GABRR3: variants seen among roughly 807,000 people sequenced by gnomAD.
GABRR3 encodes the protein gamma-aminobutyric acid type A receptor subunit rho3, also known as gamma-aminobutyric acid receptor subunit rho-3.
A neutral mutation model predicts 43.2 loss-of-function variants in GABRR3; 29 were observed. The ratio of observed to expected loss-of-function variants is 0.67; its 90% CI spans 0.50 to 0.92. GABRR3 has a LOEUF of 0.92. GABRR3 is among the 40% of genes least tolerant of loss of function. The pLI is 0.00. For synonymous variants in GABRR3, 206 were observed against 195.9 expected (o/e 1.05, Z -0.43); for missense variants, 576 against 572.3 (o/e 1.01, Z -0.07).
intron 8 of GABRR3, chr3:98,000,137 A>T (rs1175019434): frequency 6.6e-6 from 1 of 152,146 alleles, no homozygotes; most frequent in Non-Finnish European, 1.5e-5. Flanking sequence ...GACACTTCTG[A>T]TTTGCATGCA....
intron 3 of GABRR3, among the ~76,000 whole-genome samples, chr3:98,024,628 T>C (rs1434742927): frequency 6.6e-6 from 1 of 152,186 alleles, no homozygotes; most frequent in African/African-American, 2.4e-5. Flanking sequence ...GCTGTATCTG[T>C]TATACTGCCA....
intron 4 of GABRR3, among the ~76,000 whole-genome samples, chr3:98,015,753 A>C (rs1242923592): frequency 6.6e-6 from 1 of 152,168 alleles, no homozygotes; most frequent in East Asian, 1.9e-4. Flanking sequence ...TTTAAATATA[A>C]AGACACATAG....
chr3:98,023,639 A>G (rs1706978670), intron 3 of GABRR3, among the ~76,000 whole-genome samples: 1 of 151,570 alleles, frequency 6.6e-6, no homozygotes, highest in African/African-American at 2.4e-5. Flanking sequence ...ACATAAGAGA[A>G]GTAGTGAAGA....
Position 98,030,965 on chromosome 3 carries a change from C to A in GABRR3, c.125+3898G>T, listed in dbSNP as rs115107625. 3.9e-3 allele frequency among the ~76,000 whole-genome samples: 596 copies of A among 152,286 alleles called. 2 individuals are homozygous for A. Among genetic ancestry groups the A allele is most frequent in the African/African-American group, 0.014 (563 of 41,550 alleles). On this transcript the variant is annotated intron_variant, in intron 2 of 9. Coordinates refer to ENST00000621172, the Ensembl canonical transcript of GABRR3. ...AATCAATTGGTCCAATTTTTCATCA[C>A]GAAGAAAACCTTCATAATTCTTGAT...
chr3:98,007,495 C>T (rs777895757), intron 7 of GABRR3, among the ~76,000 whole-genome samples: 1 of 152,146 alleles, frequency 6.6e-6, no homozygotes. Context: ...GAATTGTGAA[C>T]TTTATGTTCC....
chr3:97,997,436 C>G (rs1385724225), intron 8 of GABRR3: 1 of 151,924 alleles, frequency 6.6e-6, no homozygotes, highest in African/African-American at 2.4e-5. Context: ...AATTTAAAAG[C>G]TATTTATTTA....
chr3:97,995,252 C>G (rs973778470), intron 8 of GABRR3, among the ~76,000 whole-genome samples: 1 of 152,316 alleles, frequency 6.6e-6, no homozygotes, highest in East Asian at 1.9e-4. Flanking sequence ...GCTGGGATTA[C>G]AGGCATGAGC....
At chr3:98,025,227 C>G (rs558274766) in intron 3 of GABRR3, among the ~76,000 whole-genome samples, 1 of 152,310 alleles carries the variant, frequency 6.6e-6, no homozygotes, top group South Asian at 2.1e-4. Flanking sequence ...GGCATTCTAG[C>G]TCATAAGAAT....
intron 2 of GABRR3, among the ~76,000 whole-genome samples, chr3:98,033,312 C>T (rs1409889009): frequency 6.6e-6 from 1 of 152,168 alleles, no homozygotes; most frequent in African/African-American, 2.4e-5. Context: ...CCCCACATGG[C>T]CGAAATCCTG....
chr3:98,034,193 C>T (rs763091841), intron 2 of GABRR3, among the ~76,000 whole-genome samples: 1 of 152,044 alleles, frequency 6.6e-6, no homozygotes, highest in Non-Finnish European at 1.5e-5. Context: ...ACAAATCATT[C>T]CAGTATGCCT....
chr3:97,987,811 C>T (rs1409642809), intron 9 of GABRR3, among the ~76,000 whole-genome samples: 1 of 152,058 alleles, frequency 6.6e-6, no homozygotes, highest in Non-Finnish European at 1.5e-5. Context: ...GGTTCTCACT[C>T]TATCATCTAG....
chr3:98,034,992 T>A lies in GABRR3; in HGVS notation c.-2-3A>T. 6.2e-7 allele frequency: 1 copy of A among 1,610,860 alleles called. No individual in the cohort carries two copies. The highest frequency in any genetic ancestry group is 8.5e-7 in the Non-Finnish European group (1 of 1,178,208). On this transcript the variant is annotated splice_polypyrimidine_tract_variant and splice_region_variant and intron_variant, in intron 1 of 9. Transcript: ENST00000621172. ...TAACTGGAAAGCCAGGACCATCTCT[T>A]CCAAAACAAAAAAACAGAAAGGATG...
chr3:97,986,680 C>A, downstream of GABRR3: 1 of 1,498,146 alleles, frequency 6.7e-7, no homozygotes, highest in Non-Finnish European at 9.0e-7. Flanking sequence ...TTGAAATTCC[C>A]CTTCATACAT....
chr3:97,989,198 G>A (rs1407396191), intron 9 of GABRR3, among the ~76,000 whole-genome samples: 2 of 151,408 alleles, frequency 1.3e-5, no homozygotes, highest in African/African-American at 2.4e-5. Flanking sequence ...AATGTTAGTG[G>A]ATGGTGGTGG....
At chr3:98,026,749 T>C (rs772572492) in intron 2 of GABRR3, among the ~76,000 whole-genome samples, 1 of 152,198 alleles carries the variant, frequency 6.6e-6, no homozygotes, top group Non-Finnish European at 1.5e-5. Flanking sequence ...TACAAAATAT[T>C]AATTCACATC....
In GABRR3 at chr3:98,025,695, G is replaced by GA. The variant is rs747633231; in HGVS notation, c.126-17dup. 15,013 of 1,396,222 alleles carry GA rather than the reference G, an allele frequency of 0.011. 4 individuals carry two copies. Among genetic ancestry groups the GA allele is most frequent in the South Asian group, 0.015 (1,039 of 71,446 alleles). The allele number at this position is 1,396,222 out of a possible 1,614,324, so 86.5% of individuals were successfully genotyped here. A position where few individuals can be genotyped will look rare whatever the true frequency, so the allele number is the denominator to read the frequency against. ...TTCTTGTTTGCTGTTCCCCCAAAGG[G>GA]AAAAAAAAAACTTCTGAGATACATA... On this transcript the variant is annotated splice_polypyrimidine_tract_variant and intron_variant, in intron 2 of 9. Coordinates refer to ENST00000621172, the Ensembl canonical transcript of GABRR3.
chr3:97,993,086 C>G, intron 8 of GABRR3, 38 bp from the exon 9 acceptor site: 2 of 1,475,432 alleles, frequency 1.4e-6, no homozygotes, highest in Non-Finnish European at 9.2e-7. Context: ...AGTGATATAG[C>G]CATTCATTTC....
At chr3:98,007,500 T>C (rs1239990779) in intron 7 of GABRR3, among the ~76,000 whole-genome samples, 1 of 152,210 alleles carries the variant, frequency 6.6e-6, no homozygotes, top group Non-Finnish European at 1.5e-5. Flanking sequence ...GTGAACTTTA[T>C]GTTCCAAAGA....
intron 3 of GABRR3, among the ~76,000 whole-genome samples, chr3:98,023,273 AC>A (rs915376592): frequency 6.6e-6 from 1 of 152,016 alleles, no homozygotes; most frequent in African/African-American, 2.4e-5. Flanking sequence ...CTCCATAAAA[AC>A]CCTTTCCTCT....
Sources: gnomAD v4.1 joint callset for allele counts (sites outside exome capture counted in the v4.1 genomes callset) on GRCh38, gnomAD v4.1.1 for gene constraint, MANE v1.5 for transcripts, NCBI Gene and HGNC (gene_info 2026-07-23, HGNC 2026-07-21) for gene names.